BTBD8: variants seen among roughly 807,000 people sequenced by gnomAD.
BTBD8 encodes BTB domain containing 8, also known as BTB/POZ domain-containing protein 8.
BTBD8 carries 110 observed loss-of-function variants against 162.9 expected under a neutral mutation model. The ratio of observed to expected loss-of-function variants is 0.68; its 90% CI spans 0.58 to 0.79. The LOEUF (loss-of-function observed/expected upper bound fraction) is 0.79. BTBD8 is among the 30% of genes least tolerant of loss of function. BTBD8 has a pLI of 0.00. For missense variants in BTBD8, 1,905 were observed against 2,085.4 expected (o/e 0.91, Z 1.68); for synonymous variants, 667 against 716.1 (o/e 0.93, Z 1.10).
intron 2 of BTBD8, among the ~76,000 whole-genome samples, chr1:92,092,102 C>T (rs1648319321): frequency 6.6e-6 from 1 of 151,974 alleles, no homozygotes; most frequent in Non-Finnish European, 1.5e-5. Context: ...GGATTAGTGC[C>T]TGTATAAGAA....
At position 92,087,753 on chromosome 1, in the gene BTBD8, A is replaced by G. The variant is rs537546919; in HGVS notation, c.150-945A>G. Among the ~76,000 whole-genome samples the G allele has an allele frequency of 3.6e-4, 55 of 152,312 alleles. 1 individual carries two copies. Among genetic ancestry groups the G allele is most frequent in the African/African-American group, 1.3e-3 (53 of 41,580 alleles). ...GTATGAATGTCATTGGCTGCTTTCCAAGCTTTCACTGTAATGGGTATCTTT... is the reference window on the plus strand; with the variant it reads ...GTATGAATGTCATTGGCTGCTTTCCGAGCTTTCACTGTAATGGGTATCTTT... On this transcript the variant is annotated intron_variant, in intron 1 of 17. Transcript: ENST00000636805.
intron 7 of BTBD8, among the ~76,000 whole-genome samples, chr1:92,146,241 A>G (rs890055205): frequency 1.3e-5 from 2 of 152,214 alleles, no homozygotes; most frequent in African/African-American, 4.8e-5. Flanking sequence ...TATGCCATAA[A>G]ATTAAAAGTT....
intron 9 of BTBD8, among the ~76,000 whole-genome samples, chr1:92,152,086 C>G (rs1650058213): frequency 6.6e-6 from 1 of 152,048 alleles, no homozygotes; most frequent in South Asian, 2.1e-4. Context: ...GTTCAAGTTC[C>G]CAAGACAGTA....
chr1:92,081,272 T>A (rs1236176895), intron 1 of BTBD8, among the ~76,000 whole-genome samples: 2 of 152,182 alleles, frequency 1.3e-5, no homozygotes, highest in African/African-American at 2.4e-5. Flanking sequence ...TCAGCTCCTG[T>A]GAGGACCAAA....
chr1:92,140,286 G>A (rs1312949469), intron 6 of BTBD8, among the ~76,000 whole-genome samples: 2 of 151,824 alleles, frequency 1.3e-5, no homozygotes, highest in African/African-American at 4.8e-5. Flanking sequence ...AGAATATAGG[G>A]CATCCTAAAG....
At chr1:92,154,277 G>C (rs1198164857) in intron 9 of BTBD8, among the ~76,000 whole-genome samples, 2 of 152,154 alleles carry the variant, frequency 1.3e-5, no homozygotes, top group African/African-American at 4.8e-5. Context: ...TCATAGCAGT[G>C]CAAACAGGTT....
intron 9 of BTBD8, among the ~76,000 whole-genome samples, chr1:92,161,793 A>T (rs1650279846): frequency 1.3e-5 from 2 of 152,160 alleles, no homozygotes; most frequent in African/African-American, 2.4e-5. Context: ...ATGTTTCCTA[A>T]GCTTTTTATC....
chr1:92,181,524 A>G lies in BTBD8; in HGVS notation c.3841A>G (p.Asn1281Asp). Reference sequence around the variant, plus strand: ...AGGGTCTCAGGATGATGATGGGTCAAATGACAGAGGTATCTCTAAATGTGG... The same window carrying G: ...AGGGTCTCAGGATGATGATGGGTCAGATGACAGAGGTATCTCTAAATGTGG... Reference protein sequence around the residue: ...AGGSQDDDGSNDRGISKCGTM... With the variant: ...AGGSQDDDGSDDRGISKCGTM... Residue 1281 changes from asparagine to aspartate, a missense_variant, in exon 17 of 18, where the codon AAT (asparagine) becomes GAT (aspartate). Coordinates refer to ENST00000636805, the MANE Select transcript of BTBD8 (RefSeq NM_001376131.1). The G allele has an allele frequency of 6.4e-7, 1 of 1,551,772 alleles. No individual in the cohort carries two copies. Among genetic ancestry groups the G allele is most frequent in the Non-Finnish European group, 8.7e-7 (1 of 1,146,970 alleles).
At chr1:92,110,531 A>T (rs145842495) in intron 4 of BTBD8, among the ~76,000 whole-genome samples, 259 of 152,156 alleles carry the variant, frequency 1.7e-3, no homozygotes, top group Non-Finnish European at 2.9e-3. Context: ...ACTGCACATT[A>T]CCCCTTGTTG....
At chr1:92,146,506 T>C (rs1649924076) in intron 7 of BTBD8, among the ~76,000 whole-genome samples, 1 of 152,372 alleles carries the variant, frequency 6.6e-6, no homozygotes, top group Admixed American at 6.5e-5. Flanking sequence ...GTTGGTGTTG[T>C]ACATTTTATG....
intron 1 of BTBD8, among the ~76,000 whole-genome samples, chr1:92,081,346 T>G (rs1420530144): frequency 6.6e-6 from 1 of 152,216 alleles, no homozygotes; most frequent in Non-Finnish European, 1.5e-5. Flanking sequence ...TCTCGGGTTA[T>G]TGGGAATCCA....
intron 9 of BTBD8, among the ~76,000 whole-genome samples, chr1:92,154,367 T>C (rs1304441909): frequency 2.0e-5 from 3 of 152,248 alleles, no homozygotes; most frequent in African/African-American, 7.2e-5. Context: ...CATACTGTTC[T>C]ACATAGCAGC....
intron 14 of BTBD8, 44 bp downstream of exon 14, chr1:92,177,590 A>G: frequency 7.5e-7 from 1 of 1,339,614 alleles, no homozygotes; most frequent in Non-Finnish European, 1.0e-6. Context: ...TGACAGTTAA[A>G]TTTCCTTCAA....
At chr1:92,166,206 G>A (rs1018179075) in intron 9 of BTBD8, among the ~76,000 whole-genome samples, 2 of 152,048 alleles carry the variant, frequency 1.3e-5, no homozygotes, top group Non-Finnish European at 2.9e-5. Context: ...AATCCCTGGG[G>A]ATTATAAGTA....
chr1:92,081,066 A>G (rs1034365234), intron 1 of BTBD8, among the ~76,000 whole-genome samples: 2 of 152,228 alleles, frequency 1.3e-5, no homozygotes, highest in African/African-American at 2.4e-5. Context: ...AACTTACACA[A>G]TTTTTAAAAT....
At position 92,147,794 on chromosome 1, in the gene BTBD8, T is replaced by TAA. The variant is rs757792222; in HGVS notation, c.1122+9_1122+10dup. On this transcript the variant is annotated intron_variant, in intron 9 of 17. Transcript: ENST00000636805. ...ATGTTGATTCAGTCCTTAGTAAGTA[T>TAA]AACCTGAATACTCTTTTGTGTGTTT... 6.3e-7 allele frequency: 1 copy of TAA among 1,591,550 alleles called. No homozygotes were observed. Among genetic ancestry groups the TAA allele is most frequent in the East Asian group, 2.2e-5 (1 of 44,682 alleles).
chr1:92,159,150 T>G (rs942206849), intron 9 of BTBD8, among the ~76,000 whole-genome samples: 1 of 151,962 alleles, frequency 6.6e-6, no homozygotes, highest in East Asian at 1.9e-4. Context: ...TGTTTACATA[T>G]ATTTTTCTTT....
At chr1:92,094,838 G>A (rs1054582635) in intron 2 of BTBD8, among the ~76,000 whole-genome samples, 2 of 152,136 alleles carry the variant, frequency 1.3e-5, no homozygotes, top group African/African-American at 4.8e-5. Flanking sequence ...ATCAAGAGCT[G>A]GGAGATACCA....
chr1:92,160,299 T>C (rs757867782), intron 9 of BTBD8, among the ~76,000 whole-genome samples: 9 of 152,194 alleles, frequency 5.9e-5, no homozygotes, highest in African/African-American at 1.7e-4. Context: ...TGAACATCTT[T>C]ATGATGATGA....
Sources: gnomAD v4.1 joint callset for allele counts (sites outside exome capture counted in the v4.1 genomes callset) on GRCh38, gnomAD v4.1.1 for gene constraint, MANE v1.5 for transcripts, NCBI Gene and HGNC (gene_info 2026-07-23, HGNC 2026-07-21) for gene names.